Variants in DHRS7B observed in about 807,000 individuals in gnomAD.
The protein encoded by DHRS7B is dehydrogenase/reductase 7B, also known as peroxisomal reductase activating PPAR-gamma.
In DHRS7B, 24 loss-of-function variants were observed where a neutral mutation model predicts 26.4. The observed-to-expected ratio is 0.91, with a 90% CI of 0.66 to 1.28. DHRS7B has a LOEUF of 1.28. DHRS7B is among the 50% of genes most tolerant of loss of function. DHRS7B has a pLI of 0.00. For missense variants in DHRS7B, 368 were observed against 419.4 expected (o/e 0.88, Z 1.07); for synonymous variants, 142 against 166.4 (o/e 0.85, Z 1.13).
chr17:21,137,451 G>A (rs1045436623), intron 1 of DHRS7B, among the ~76,000 whole-genome samples: 1 of 150,248 alleles, frequency 6.7e-6, no homozygotes, highest in Admixed American at 6.6e-5. Context: ...CTGCCACCAC[G>A]CCTGGCTAAT....
At chr17:21,140,019 A>ATTTTTTTTTTT (rs1188887493) in intron 1 of DHRS7B, among the ~76,000 whole-genome samples, 1 of 60,382 alleles carries the variant, frequency 1.7e-5, no homozygotes, top group Non-Finnish European at 3.2e-5. Context: ...AGACTTTCAG[A>ATTTTTTTTTTT]TTCTTTTTTT....
intron 1 of DHRS7B, among the ~76,000 whole-genome samples, chr17:21,167,570 G>A (rs931521434): frequency 3.9e-5 from 6 of 152,108 alleles, no homozygotes; most frequent in Non-Finnish European, 7.4e-5. Flanking sequence ...TCCAGATGCC[G>A]TGTGCACTAT....
Position 21,154,970 on chromosome 17 carries a change from A to G in DHRS7B, c.21-17048A>G, listed in dbSNP as rs199497693. On this transcript the variant is annotated intron_variant, in intron 1 of 6. Transcript: ENST00000395511. The stretch of plus-strand genomic sequence containing the variant: ...CAACCACTAAAAAAAGTTTTTTTAA[A>G]AAAAGAAGCATAGTTGATAAGCTAT... Among the ~76,000 whole-genome samples the G allele has an allele frequency of 5.3e-5, 8 of 152,288 alleles. No individual in the cohort carries two copies. The East Asian group carries it at 1.5e-3, about 29-fold the overall frequency.
chr17:21,171,021 C>T (rs771114910), intron 1 of DHRS7B, among the ~76,000 whole-genome samples: 78 of 151,954 alleles, frequency 5.1e-4, no homozygotes, highest in Non-Finnish European at 1.9e-4. Flanking sequence ...ATTCTGTGCT[C>T]GTAAACCACA....
intron 1 of DHRS7B, among the ~76,000 whole-genome samples, chr17:21,150,221 C>T (rs1181127150): frequency 3.3e-5 from 5 of 151,290 alleles, no homozygotes; most frequent in African/African-American, 1.2e-4. Context: ...GGTAAATCTC[C>T]TAGAAAACCA....
intron 1 of DHRS7B, among the ~76,000 whole-genome samples, chr17:21,169,724 G>T (rs1401475786): frequency 6.6e-6 from 1 of 152,194 alleles, no homozygotes; most frequent in Admixed American, 6.5e-5. Context: ...TTGTCAATTT[G>T]AAATTGGGTG....
Position 21,126,983 on chromosome 17 carries a change from G to C in DHRS7B, c.12G>C (p.Pro4=), listed in dbSNP as rs751196487. 6.5e-7 allele frequency: 1 copy of C among 1,533,668 alleles called. No individual in the cohort carries two copies. The highest frequency in any genetic ancestry group is 8.8e-7 in the Non-Finnish European group (1 of 1,139,596). The part of the protein sequence containing the change: MVS[P]ATRKSLPKVK... Reference sequence around the variant, plus strand: ...GAAGTTGATTGACTATGGTCTCTCCGGCTACCAGGTAGGGGCTGGGGAAGA... The same window carrying C: ...GAAGTTGATTGACTATGGTCTCTCCCGCTACCAGGTAGGGGCTGGGGAAGA... Residue 4 remains proline, a synonymous_variant, in exon 1 of 7, where the codon CCG becomes CCC. Coordinates refer to ENST00000395511, the MANE Select transcript of DHRS7B (RefSeq NM_015510.5).
intron 1 of DHRS7B, among the ~76,000 whole-genome samples, chr17:21,139,341 C>CGT: frequency 6.6e-6 from 1 of 152,114 alleles, no homozygotes; most frequent in Admixed American, 6.5e-5. Flanking sequence ...ACCCCCGTGC[C>CGT]ATATTTTGAC....
At chr17:21,131,282 T>C (rs1052332998) in intron 1 of DHRS7B, among the ~76,000 whole-genome samples, 1 of 152,220 alleles carries the variant, frequency 6.6e-6, no homozygotes, top group Non-Finnish European at 1.5e-5. Context: ...GATTATATGC[T>C]AAAGAAGGGG....
chr17:21,171,004 G>C (rs747206127), intron 1 of DHRS7B, among the ~76,000 whole-genome samples: 17 of 152,046 alleles, frequency 1.1e-4, no homozygotes, highest in Non-Finnish European at 1.5e-4. Flanking sequence ...CTTCCTTCCT[G>C]AGAAGGATTC....
chr17:21,137,604 T>C (rs1365429962), intron 1 of DHRS7B, among the ~76,000 whole-genome samples: 1 of 151,888 alleles, frequency 6.6e-6, no homozygotes, highest in Non-Finnish European at 1.5e-5. Context: ...ATTAGAGGCA[T>C]GTGCCACCAC....
Position 21,190,748 on chromosome 17 carries a change from A to T in DHRS7B, c.773-200A>T, listed in dbSNP as rs1022103966. 1.2e-4 allele frequency among the ~76,000 whole-genome samples: 18 copies of T among 152,138 alleles called. 1 individual carries two copies. The highest frequency in any genetic ancestry group is 7.4e-5 in the Non-Finnish European group (5 of 68,014). On this transcript the variant is annotated intron_variant, in intron 6 of 6. Coordinates refer to ENST00000395511, the MANE Select transcript of DHRS7B (RefSeq NM_015510.5). Reference sequence around the variant, plus strand: ...CCTCTCGCTTCCCCCACTGACCCACATCCAGCTGCAAAATGGTTCCCTCTT... The same window carrying T: ...CCTCTCGCTTCCCCCACTGACCCACTTCCAGCTGCAAAATGGTTCCCTCTT...
At chr17:21,180,073 CTTTTTTTTTTT>C (rs59348588) in intron 3 of DHRS7B, among the ~76,000 whole-genome samples, 1 of 121,922 alleles carries the variant, frequency 8.2e-6, no homozygotes, top group Admixed American at 8.4e-5. Flanking sequence ...AGCCCACTTT[CTTTTTTTTTTT>C]TTTTTTTTGA....
At chr17:21,130,713 A>T (rs1973211394) in intron 1 of DHRS7B, among the ~76,000 whole-genome samples, 1 of 152,224 alleles carries the variant, frequency 6.6e-6, no homozygotes, top group Admixed American at 6.5e-5. Flanking sequence ...ACTAAAAAAA[A>T]AATTTACTTA....
chr17:21,138,129 C>CACACACACAT (rs1429452660), intron 1 of DHRS7B, among the ~76,000 whole-genome samples: 49 of 140,024 alleles, frequency 3.5e-4, no homozygotes, highest in African/African-American at 1.2e-3. Flanking sequence ...CACACACACA[C>CACACACACAT]ACATATATTT....
intron 1 of DHRS7B, among the ~76,000 whole-genome samples, chr17:21,150,980 A>G (rs1403564978): frequency 1.3e-5 from 2 of 152,216 alleles, no homozygotes; most frequent in Admixed American, 1.3e-4. Context: ...TAATATACAT[A>G]TCCAAGAAAC....
At chr17:21,190,181 A>G (rs1212406919) in intron 6 of DHRS7B, among the ~76,000 whole-genome samples, 4 of 151,566 alleles carry the variant, frequency 2.6e-5, no homozygotes, top group Non-Finnish European at 5.9e-5. Context: ...AAAAAAAAAA[A>G]GTGGTTTCAC....
intron 5 of DHRS7B, among the ~76,000 whole-genome samples, chr17:21,186,111 A>G (rs911993627): frequency 6.6e-6 from 1 of 152,248 alleles, no homozygotes; most frequent in African/African-American, 2.4e-5. Context: ...ATTCAGTTTT[A>G]TAATGACCAG....
intron 1 of DHRS7B, among the ~76,000 whole-genome samples, chr17:21,155,190 G>A (rs1383772311): frequency 6.6e-6 from 1 of 152,148 alleles, no homozygotes; most frequent in African/African-American, 2.4e-5. Flanking sequence ...CATTTAAAAG[G>A]CAGAGATTGT....
Sources: allele counts gnomAD v4.1 joint callset (sites outside exome capture counted in the v4.1 genomes callset), GRCh38; gene constraint gnomAD v4.1.1; transcripts MANE v1.5; gene names NCBI Gene and HGNC (gene_info 2026-07-23, HGNC 2026-07-21).